The following RBFOX1 variants were observed in gnomAD, a reference collection of about 807,000 sequenced individuals.
RBFOX1 encodes the protein RNA binding fox-1 homolog 1, also known as RNA binding protein fox-1 homolog 1.
RBFOX1 carries 8 observed loss-of-function variants against 57.7 expected under a neutral mutation model. The observed-to-expected ratio is 0.14, with a 90% CI of 0.08 to 0.25. The LOEUF (loss-of-function observed/expected upper bound fraction) is 0.25, where lower values mean the gene tolerates loss of function less well. Ranked by LOEUF, RBFOX1 falls within the 10% of genes least tolerant of loss-of-function variation. The pLI is 1.00. For synonymous variants in RBFOX1, 326 were observed against 222.4 expected (o/e 1.47, Z -4.15); for missense variants, 611 against 548.5 (o/e 1.11, Z -1.14).
At chr16:6,616,425 C>T (rs914793382) in intron 2 of RBFOX1, among the ~76,000 whole-genome samples, 129 of 151,900 alleles carry the variant, frequency 8.5e-4, no homozygotes, top group African/African-American at 3.0e-3. Context: ...GCCTGTAATC[C>T]CAACACTTCA....
At chr16:7,392,848 T>C (rs1305796844) in intron 4 of RBFOX1, among the ~76,000 whole-genome samples, 1 of 141,866 alleles carries the variant, frequency 7.0e-6, no homozygotes, top group East Asian at 2.2e-4. Context: ...TGTTTTGGTT[T>C]GGTTTGGTTT....
At chr16:7,571,280 G>T (rs1383422565) in intron 5 of RBFOX1, among the ~76,000 whole-genome samples, 1 of 152,138 alleles carries the variant, frequency 6.6e-6, no homozygotes, top group Non-Finnish European at 1.5e-5. Flanking sequence ...TGCCACGCAG[G>T]TGGCCTCAGT....
At chr16:6,203,017 C>T (rs1048000956) in intron 1 of RBFOX1, among the ~76,000 whole-genome samples, 3 of 151,990 alleles carry the variant, frequency 2.0e-5, no homozygotes, top group African/African-American at 7.2e-5. Flanking sequence ...TTCAAGTGAT[C>T]CTCCTGCTTC....
At chr16:6,684,289 C>A (rs1272258007) in intron 3 of RBFOX1, among the ~76,000 whole-genome samples, 7 of 152,264 alleles carry the variant, frequency 4.6e-5, no homozygotes, top group Middle Eastern at 3.4e-3. Flanking sequence ...AGAAAAGCTC[C>A]CAGGCGCCAG....
At chr16:5,897,146 C>T (rs2058187387) in intron 4 of RBFOX1, among the ~76,000 whole-genome samples, 1 of 151,694 alleles carries the variant, frequency 6.6e-6, no homozygotes, top group Non-Finnish European at 1.5e-5. Flanking sequence ...AGCGATTCTC[C>T]CGCCTCAGCC....
In RBFOX1 at chr16:5,857,226, C is replaced by T. The variant is rs532415008; in HGVS notation, c.319-10077C>T. ...GTTTGCGAAATAGTCAGAACACACA[C>T]TACATTTATCAGGTAAACCTCCCAT... On this transcript the variant is annotated intron_variant, in intron 3 of 19. Coordinates refer to the RBFOX1 transcript ENST00000641259. 3.9e-5 allele frequency among the ~76,000 whole-genome samples: 6 copies of T among 152,088 alleles called. No individual in the cohort carries two copies. In the South Asian group the frequency reaches 1.2e-3, roughly 32 times the overall value.
chr16:7,220,607 C>G (rs1191806101), intron 4 of RBFOX1, among the ~76,000 whole-genome samples: 2 of 152,164 alleles, frequency 1.3e-5, no homozygotes, highest in Non-Finnish European at 2.9e-5. Context: ...GGTATCATTG[C>G]TGCATCTTCC....
chr16:5,452,116 CTTTTTTTTTT>C (rs148215801), intron 1 of RBFOX1, among the ~76,000 whole-genome samples: 9 of 108,110 alleles, frequency 8.3e-5, no homozygotes, highest in Admixed American at 7.0e-4. Flanking sequence ...CTCTCTCTCT[CTTTTTTTTTT>C]TTTTTTTTTT....
At chr16:6,941,288 TTCCCTCCCTCCC>T (rs1183309032) in intron 3 of RBFOX1, among the ~76,000 whole-genome samples, 2 of 80,080 alleles carry the variant, frequency 2.5e-5, no homozygotes, top group African/African-American at 9.3e-5. Flanking sequence ...CCTTCCCTCC[TTCCCTCCCTCCC>T]TCCTTCCTTC....
chr16:7,035,187 C>T (rs1398488957), intron 3 of RBFOX1, among the ~76,000 whole-genome samples: 2 of 151,862 alleles, frequency 1.3e-5, no homozygotes, highest in Non-Finnish European at 2.9e-5. Context: ...CAGGTGATGC[C>T]AACGCTGTTG....
chr16:6,804,809 C>T (rs1158440634), intron 3 of RBFOX1, among the ~76,000 whole-genome samples: 2 of 152,292 alleles, frequency 1.3e-5, no homozygotes, highest in South Asian at 2.1e-4. Context: ...GCATTTGCCA[C>T]TCTGACTTCT....
At chr16:5,445,295 G>A (rs2068208266) in intron 1 of RBFOX1, among the ~76,000 whole-genome samples, 2 of 152,126 alleles carry the variant, frequency 1.3e-5, no homozygotes, top group Non-Finnish European at 2.9e-5. Flanking sequence ...TTATCTTTCT[G>A]ACTTTTCCTC....
chr16:5,924,567 C>A (rs772345304), intron 4 of RBFOX1, among the ~76,000 whole-genome samples: 7 of 152,154 alleles, frequency 4.6e-5, no homozygotes, highest in Non-Finnish European at 7.3e-5. Context: ...CACCAACTCC[C>A]CTTCATTTTC....
intron 2 of RBFOX1, among the ~76,000 whole-genome samples, chr16:6,370,396 A>G (rs1326767617): frequency 6.9e-6 from 1 of 144,138 alleles, no homozygotes; most frequent in African/African-American, 2.6e-5. Context: ...AAAAAAGAAC[A>G]CACCCTGGAC....
At chr16:6,281,486 C>T (rs1230037376) in intron 1 of RBFOX1, among the ~76,000 whole-genome samples, 2 of 152,010 alleles carry the variant, frequency 1.3e-5, no homozygotes, top group East Asian at 1.9e-4. Flanking sequence ...TGGGAGAAAA[C>T]AGCTTCCACC....
chr16:6,385,910 C>T (rs2092236450), intron 2 of RBFOX1, among the ~76,000 whole-genome samples: 1 of 151,372 alleles, frequency 6.6e-6, no homozygotes, highest in Admixed American at 6.6e-5. Flanking sequence ...GTGGGAATTC[C>T]ATTAAGAACT....
At chr16:5,873,705 G>C (rs2057535987) in intron 4 of RBFOX1, among the ~76,000 whole-genome samples, 4 of 152,176 alleles carry the variant, frequency 2.6e-5, no homozygotes, top group African/African-American at 7.2e-5. Context: ...CTTGTCTCAT[G>C]AGGACTGATG....
At chr16:6,516,458 C>G (rs1388277734) in intron 2 of RBFOX1, among the ~76,000 whole-genome samples, 1 of 152,074 alleles carries the variant, frequency 6.6e-6, no homozygotes, top group Non-Finnish European at 1.5e-5. Flanking sequence ...ACTCAACAGC[C>G]CCTGTTGTTA....
chr16:7,082,980 G>GAA (rs5815363), intron 4 of RBFOX1, among the ~76,000 whole-genome samples: 37 of 151,834 alleles, frequency 2.4e-4, no homozygotes, highest in Non-Finnish European at 4.7e-4. Flanking sequence ...TGTAAATATG[G>GAA]AAAAAAATGG....
Sources: allele counts gnomAD v4.1 joint callset (sites outside exome capture counted in the v4.1 genomes callset), GRCh38; gene constraint gnomAD v4.1.1; transcripts MANE v1.5; gene names NCBI Gene and HGNC (gene_info 2026-07-23, HGNC 2026-07-21).